Variants in RERE observed in about 807,000 individuals in gnomAD.
The protein encoded by RERE is arginine-glutamic acid dipeptide repeats protein.
Under a neutral mutation model 146.1 loss-of-function variants are expected in RERE, and 40 were observed. The observed-to-expected ratio is 0.27, with a 90% CI of 0.21 to 0.36. RERE has a LOEUF of 0.36. RERE is among the 10% of genes least tolerant of loss of function. RERE has a pLI of 1.00. For missense variants in RERE, 1,933 were observed against 2,138.7 expected (o/e 0.90, Z 1.90); for synonymous variants, 1,003 against 866.0 (o/e 1.16, Z -2.78).
chr1:8,639,249 T>C (rs1647144077), intron 2 of RERE, among the ~76,000 whole-genome samples: 1 of 152,198 alleles, frequency 6.6e-6, no homozygotes, highest in Admixed American at 6.5e-5. Flanking sequence ...CGTTCATGTA[T>C]CAGATGCCAC....
intron 12 of RERE, among the ~76,000 whole-genome samples, chr1:8,395,920 C>T (rs1438172232): frequency 6.6e-6 from 1 of 152,132 alleles, no homozygotes; most frequent in Non-Finnish European, 1.5e-5. Flanking sequence ...AACACTCGAA[C>T]GAGGACCAAT....
chr1:8,483,618 C>G (rs1644862596), intron 10 of RERE, among the ~76,000 whole-genome samples: 1 of 152,180 alleles, frequency 6.6e-6, no homozygotes. Context: ...TTCAATCATT[C>G]AACAACCATT....
intron 1 of RERE, among the ~76,000 whole-genome samples, chr1:8,812,749 C>T (rs555720329): frequency 2.0e-5 from 3 of 152,192 alleles, no homozygotes; most frequent in Non-Finnish European, 4.4e-5. Flanking sequence ...AATGTACAGA[C>T]ACACAGTACA....
chr1:8,468,634 G>C (rs1644636308), intron 10 of RERE, among the ~76,000 whole-genome samples: 1 of 152,102 alleles, frequency 6.6e-6, no homozygotes, highest in South Asian at 2.1e-4. Context: ...ACACCTGTAA[G>C]CCCAACACTT....
chr1:8,750,573 T>C, intron 1 of RERE: 1 of 1,009,634 alleles, frequency 9.9e-7, no homozygotes, highest in Non-Finnish European at 1.6e-6. Flanking sequence ...AGGAAGAAGC[T>C]TATTTATGAA....
intron 1 of RERE, among the ~76,000 whole-genome samples, chr1:8,732,882 C>A (rs1338248971): frequency 1.5e-5 from 2 of 135,504 alleles, no homozygotes; most frequent in African/African-American, 2.8e-5. Flanking sequence ...AGTGCAGTGG[C>A]GCTATCTCAG....
intron 10 of RERE, 105 bp downstream of exon 10, chr1:8,494,958 G>C: frequency 4.9e-6 from 4 of 809,652 alleles, no homozygotes; most frequent in South Asian, 2.9e-5. Context: ...ACTCACTCCT[G>C]AGTCTACAGG....
intron 1 of RERE, among the ~76,000 whole-genome samples, chr1:8,766,067 T>G (rs761401714): frequency 1.3e-5 from 2 of 151,724 alleles, no homozygotes; most frequent in Non-Finnish European, 2.9e-5. Context: ...GAGCTGAGAT[T>G]GCAACACTGC....
At chr1:8,802,020 T>C (rs1478334360) in intron 1 of RERE, among the ~76,000 whole-genome samples, 1 of 152,236 alleles carries the variant, frequency 6.6e-6, no homozygotes, top group East Asian at 1.9e-4. Context: ...TATGCTTATA[T>C]ATGCAGAGAA....
At chr1:8,608,407 G>A (rs905189236) in intron 4 of RERE, among the ~76,000 whole-genome samples, 1 of 152,144 alleles carries the variant, frequency 6.6e-6, no homozygotes, top group Admixed American at 6.5e-5. Flanking sequence ...GAGAAGCTGA[G>A]AAAGGAGAAT....
intron 1 of RERE, among the ~76,000 whole-genome samples, chr1:8,791,787 T>C (rs1022923810): frequency 2.6e-5 from 4 of 152,186 alleles, no homozygotes; most frequent in African/African-American, 7.2e-5. Flanking sequence ...GGAGAGGCAG[T>C]AGACATTAGT....
chr1:8,770,610 G>A (rs1296905261), intron 1 of RERE, among the ~76,000 whole-genome samples: 2 of 152,166 alleles, frequency 1.3e-5, no homozygotes, highest in African/African-American at 2.4e-5. Context: ...GTACAGTGAC[G>A]TAGAACAACA....
At chr1:8,398,786 A>T (rs1458957959) in intron 12 of RERE, among the ~76,000 whole-genome samples, 1 of 152,176 alleles carries the variant, frequency 6.6e-6, no homozygotes, top group Non-Finnish European at 1.5e-5. Flanking sequence ...GGGCCTTGCT[A>T]TACATCGAAA....
At chr1:8,736,670 C>T (rs1359735176) in intron 1 of RERE, among the ~76,000 whole-genome samples, 1 of 151,930 alleles carries the variant, frequency 6.6e-6, no homozygotes. Context: ...ACAGAGGAGG[C>T]AATTATCAGA....
intron 7 of RERE, among the ~76,000 whole-genome samples, chr1:8,522,046 A>C (rs541213360): frequency 6.6e-6 from 1 of 152,368 alleles, no homozygotes; most frequent in South Asian, 2.1e-4. Context: ...ACAATATGAG[A>C]TCAGTTATCT....
intron 2 of RERE, among the ~76,000 whole-genome samples, chr1:8,633,958 A>T (rs1023648307): frequency 6.6e-6 from 1 of 152,092 alleles, no homozygotes; most frequent in African/African-American, 2.4e-5. Flanking sequence ...AAATGAACTT[A>T]TCAAATCAAC....
chr1:8,457,493 C>A (rs1644465914), intron 11 of RERE, among the ~76,000 whole-genome samples: 1 of 152,176 alleles, frequency 6.6e-6, no homozygotes, highest in Non-Finnish European at 1.5e-5. Flanking sequence ...CAAAACACTA[C>A]TAGAGAAGAT....
At chr1:8,796,620 G>A (rs1223479704) in intron 1 of RERE, 1 of 151,792 alleles carries the variant, frequency 6.6e-6, no homozygotes, top group Non-Finnish European at 1.5e-5. Context: ...GTAGAATAAG[G>A]AGTTTGATCT....
intron 4 of RERE, among the ~76,000 whole-genome samples, chr1:8,599,483 T>G (rs1490812287): frequency 5.9e-5 from 9 of 152,264 alleles, no homozygotes; most frequent in Non-Finnish European, 8.8e-5. Context: ...AAAAAGTGTA[T>G]AGATGTCCAA....
Sources: allele counts gnomAD v4.1 joint callset (sites outside exome capture counted in the v4.1 genomes callset), GRCh38; gene constraint gnomAD v4.1.1; transcripts MANE v1.5; gene names NCBI Gene and HGNC (gene_info 2026-07-23, HGNC 2026-07-21).